NBEAL1: variants seen among roughly 807,000 people sequenced by gnomAD.
The protein encoded by NBEAL1 is neurobeachin like 1.
NBEAL1 carries 273 observed loss-of-function variants against 351.3 expected under a neutral mutation model. The observed-to-expected ratio is 0.78, with a 90% CI of 0.70 to 0.86. The LOEUF is 0.86. Among genes scored for constraint, NBEAL1 ranks in the 40% least tolerant of loss-of-function variants. The probability of loss-of-function intolerance (pLI) is 0.00; values close to 1 mark genes in which losing one functional copy is unlikely to be tolerated. For missense variants in NBEAL1, 2,961 were observed against 3,201.3 expected (o/e 0.92, Z 1.81); for synonymous variants, 1,050 against 1,086.4 (o/e 0.97, Z 0.66).
Position 203,135,813 on chromosome 2 carries a change from C to T in NBEAL1, c.3950C>T (p.Ala1317Val), listed in dbSNP as rs978120726. ...AATACTCTTCATAAGCACAGTAGAGCTGTTTTAATGAAAGACAATGATAAA... is the reference window on the plus strand; with the variant it reads ...AATACTCTTCATAAGCACAGTAGAGTTGTTTTAATGAAAGACAATGATAAA... ...NGNTLHKHSR[A>V]VLMKDNDKNM... is the part of the protein sequence containing the mutation. The change falls in exon 28 of 56, where the codon GCT becomes GTT. Residue 1317 changes from alanine to valine, a missense_variant. By Grantham distance (64) the Ala-to-Val change is moderately conservative (BLOSUM62 0). Transcript: ENST00000683969. The T allele has an allele frequency of 2.5e-6, 4 of 1,613,560 alleles. No homozygotes were observed. Among genetic ancestry groups the T allele is most frequent in the Admixed American group, 3.3e-5 (2 of 59,934 alleles).
chr2:203,041,021 G>T (rs2061132500), intron 2 of NBEAL1: 2 of 228,670 alleles, frequency 8.7e-6, no homozygotes, highest in Non-Finnish European at 1.7e-5. Flanking sequence ...GGAAAGGAAG[G>T]GTTAAAATAT....
intron 6 of NBEAL1, among the ~76,000 whole-genome samples, chr2:203,066,415 A>G (rs1301995054): frequency 6.6e-6 from 1 of 151,478 alleles, no homozygotes; most frequent in Admixed American, 6.6e-5. Context: ...GATTAACAGC[A>G]TCCCAAGGCA....
At chr2:203,020,709 T>G (rs1005888874) in intron 2 of NBEAL1, among the ~76,000 whole-genome samples, 3 of 151,646 alleles carry the variant, frequency 2.0e-5, no homozygotes, top group African/African-American at 7.3e-5. Context: ...AATTATATAG[T>G]CTGAACTCTT....
At chr2:203,159,457 A>G (rs751687400) in intron 36 of NBEAL1, among the ~76,000 whole-genome samples, 1 of 152,114 alleles carries the variant, frequency 6.6e-6, no homozygotes, top group East Asian at 1.9e-4. Flanking sequence ...TGTAACTCCT[A>G]CAATTTGTAT....
At chr2:203,019,689 C>T (rs1010013656) in intron 2 of NBEAL1, among the ~76,000 whole-genome samples, 4 of 152,174 alleles carry the variant, frequency 2.6e-5, no homozygotes, top group Admixed American at 2.6e-4. Context: ...ACCATCACAG[C>T]GTTTCTGTCA....
chr2:203,142,782 T>A (rs2063413008), intron 31 of NBEAL1, among the ~76,000 whole-genome samples: 1 of 152,186 alleles, frequency 6.6e-6, no homozygotes, highest in South Asian at 2.1e-4. Context: ...TTGTATGACT[T>A]TTTTTTCTTT....
At chr2:203,187,381 T>TC (rs1441779194) in intron 44 of NBEAL1, among the ~76,000 whole-genome samples, 4 of 150,566 alleles carry the variant, frequency 2.7e-5, no homozygotes, top group Admixed American at 2.7e-4. Context: ...TTTTTTTTTT[T>TC]TTTTTTTGAA....
At chr2:203,076,380 G>A (rs1440156637) in intron 7 of NBEAL1, among the ~76,000 whole-genome samples, 1 of 151,568 alleles carries the variant, frequency 6.6e-6, no homozygotes, top group African/African-American at 2.4e-5. Flanking sequence ...AGCTACCTGG[G>A]AGGCCGAGGT....
intron 46 of NBEAL1, among the ~76,000 whole-genome samples, chr2:203,192,598 C>G (rs955371076): frequency 2.0e-5 from 3 of 152,020 alleles, no homozygotes; most frequent in Non-Finnish European, 4.4e-5. Context: ...GTTGGGCAGG[C>G]TGGTCTTGAA....
chr2:203,018,490 G>A (rs545151802), intron 2 of NBEAL1, among the ~76,000 whole-genome samples: 2 of 152,134 alleles, frequency 1.3e-5, no homozygotes, highest in Admixed American at 6.5e-5. Flanking sequence ...GTAAGCATGT[G>A]TGCATGTATG....
chr2:203,014,862 G>C (rs951205413), upstream of NBEAL1: 1 of 152,328 alleles, frequency 6.6e-6, no homozygotes, highest in Non-Finnish European at 1.5e-5. Context: ...CTCTCGCCCC[G>C]CCCCCATGTC....
At chr2:203,142,770 G>T (rs2106331899) in intron 31 of NBEAL1, among the ~76,000 whole-genome samples, 1 of 152,290 alleles carries the variant, frequency 6.6e-6, no homozygotes, top group African/African-American at 2.4e-5. Flanking sequence ...TGGATGTAGG[G>T]ATTGTATGAC....
intron 38 of NBEAL1, among the ~76,000 whole-genome samples, chr2:203,168,011 C>A (rs148160767): frequency 6.6e-6 from 1 of 152,214 alleles, no homozygotes; most frequent in Admixed American, 6.5e-5. Flanking sequence ...TTAGCACACA[C>A]AATAACTAAT....
chr2:203,082,173 A>G (rs979857348), intron 8 of NBEAL1, among the ~76,000 whole-genome samples: 2 of 152,222 alleles, frequency 1.3e-5, no homozygotes, highest in Non-Finnish European at 1.5e-5. Context: ...TCATATGACT[A>G]TAGAGAAGGA....
At chr2:203,125,314 C>T in intron 19 of NBEAL1, 38 bp from the exon 20 acceptor site, 1 of 1,355,530 alleles carries the variant, frequency 7.4e-7, no homozygotes, top group Non-Finnish European at 9.7e-7. Context: ...AAATTGTCCT[C>T]CTTTTATAAG....
chr2:203,034,376 C>G (rs1156474356), intron 2 of NBEAL1, among the ~76,000 whole-genome samples: 3 of 148,410 alleles, frequency 2.0e-5, no homozygotes, highest in Non-Finnish European at 3.0e-5. Flanking sequence ...CCAGGATAGT[C>G]TCGATATCCT....
chr2:203,056,398 TAA>T, intron 4 of NBEAL1, 27 bp from the exon 5 acceptor site: 1 of 1,276,432 alleles, frequency 7.8e-7, no homozygotes, highest in Non-Finnish European at 1.1e-6. Context: ...CATTCTTATG[TAA>T]AAAATTAAAG....
chr2:203,207,387 G>A (rs1168678275), intron 51 of NBEAL1, among the ~76,000 whole-genome samples: 30 of 152,236 alleles, frequency 2.0e-4, no homozygotes, highest in African/African-American at 5.5e-4. Flanking sequence ...CCCTCTGCCC[G>A]GCCACCACCC....
intron 6 of NBEAL1, among the ~76,000 whole-genome samples, chr2:203,057,830 T>TG (rs1559336983): frequency 6.7e-6 from 1 of 149,080 alleles, no homozygotes; most frequent in African/African-American, 2.5e-5. Flanking sequence ...TTTTCTTTTT[T>TG]TTTTTTTTGT....
Sources: allele counts gnomAD v4.1 joint callset (sites outside exome capture counted in the v4.1 genomes callset), GRCh38; gene constraint gnomAD v4.1.1; transcripts MANE v1.5; gene names NCBI Gene and HGNC (gene_info 2026-07-23, HGNC 2026-07-21).